Variants in ACSL6 observed in about 807,000 individuals in gnomAD.
The protein encoded by ACSL6 is long-chain-fatty-acid--CoA ligase 6.
Under a neutral mutation model 98.2 loss-of-function variants are expected in ACSL6, and 47 were observed. That is an observed-to-expected ratio of 0.48 (90% CI 0.38 to 0.61). The LOEUF is 0.61. Among genes scored for constraint, ACSL6 ranks in the 20% least tolerant of loss-of-function variants. The pLI, the probability that ACSL6 is intolerant of heterozygous loss-of-function variation, is 0.00. For missense variants in ACSL6, 761 were observed against 913.4 expected, an observed-to-expected ratio of 0.83 and a Z score of 2.15; for synonymous variants, 362 against 336.9, an observed-to-expected ratio of 1.07 and a Z score of -0.82.
intron 1 of ACSL6, chr5:132,003,889 G>A (rs1204565386): frequency 4.6e-5 from 7 of 152,310 alleles, no homozygotes; most frequent in Admixed American, 2.6e-4. Context: ...TGTGCTTTTC[G>A]AAAACAGTAG....
intron 11 of ACSL6, 144 bp from the exon 12 acceptor site, chr5:131,973,544 A>C: frequency 1.3e-6 from 1 of 798,818 alleles, no homozygotes; most frequent in Non-Finnish European, 1.9e-6. Flanking sequence ...GACACTGATG[A>C]ATGCCATCTG....
At chr5:131,994,803 G>A (rs1754711421) in intron 1 of ACSL6, 1 of 170,294 alleles carries the variant, frequency 5.9e-6, no homozygotes, top group African/African-American at 2.4e-5. Context: ...CCGCAGATCA[G>A]CCCTGACAGA....
intron 12 of ACSL6, 125 bp downstream of exon 12, chr5:131,973,141 G>C (rs1390251484): frequency 1.4e-5 from 18 of 1,288,750 alleles, no homozygotes; most frequent in Non-Finnish European, 1.7e-5. Context: ...GGAACTACAA[G>C]AGAGGAGGCA....
intron 20 of ACSL6, among the ~76,000 whole-genome samples, chr5:131,957,078 C>CA (rs1481524752): frequency 1.3e-5 from 2 of 152,034 alleles, no homozygotes; most frequent in Non-Finnish European, 2.9e-5. Context: ...ATTTTAGAGA[C>CA]ATAGTATTTT....
chr5:131,962,448 C>A, intron 18 of ACSL6, 87 bp downstream of exon 18: 1 of 1,446,970 alleles, frequency 6.9e-7, no homozygotes, highest in African/African-American at 1.4e-5. Context: ...GGAGGAGAAT[C>A]CTGGTGCCTG....
At chr5:131,958,773 C>G (rs1008059642) in intron 20 of ACSL6, among the ~76,000 whole-genome samples, 3 of 151,880 alleles carry the variant, frequency 2.0e-5, no homozygotes, top group Non-Finnish European at 4.4e-5. Context: ...TTTAAAGATT[C>G]TTGTCAAACT....
intron 19 of ACSL6, 139 bp from the exon 20 acceptor site, chr5:131,959,746 T>TA: frequency 1.3e-6 from 1 of 746,702 alleles, no homozygotes; most frequent in African/African-American, 1.7e-5. Flanking sequence ...CTGAGGCTGA[T>TA]ACTCCCTGGC....
At position 131,973,413 on chromosome 5, in the gene ACSL6, G is replaced by A. The variant is rs1397698456; in HGVS notation, c.1069-13C>T. 1 of 1,613,390 alleles carries A rather than the reference G, an allele frequency of 6.2e-7. No individual in the cohort carries two copies. ...AATAGACGACAGACTAGAAAGACAGGACAGGAAGGGAGGAGTCCCTTAGGG... is the reference window on the plus strand; with the variant it reads ...AATAGACGACAGACTAGAAAGACAGAACAGGAAGGGAGGAGTCCCTTAGGG... On this transcript the variant is annotated splice_polypyrimidine_tract_variant and intron_variant, in intron 11 of 20. Coordinates refer to ENST00000651883, the MANE Select transcript of ACSL6 (RefSeq NM_001009185.3).
chr5:131,959,733 C>G, intron 19 of ACSL6, 126 bp from the exon 20 acceptor site: 1 of 829,370 alleles, frequency 1.2e-6, no homozygotes, highest in Non-Finnish European at 2.0e-6. Context: ...CCACAGCCCG[C>G]AACTGAGGCT....
chr5:131,973,196 C>T, intron 12 of ACSL6, 70 bp downstream of exon 12: 1 of 1,569,116 alleles, frequency 6.4e-7, no homozygotes, highest in South Asian at 1.2e-5. Context: ...CTGCCTGGGG[C>T]TCCAGACCCT....
intron 9 of ACSL6, among the ~76,000 whole-genome samples, chr5:131,978,733 G>A (rs1313031705): frequency 1.3e-5 from 2 of 152,128 alleles, no homozygotes; most frequent in Non-Finnish European, 2.9e-5. Context: ...AACTACCCCC[G>A]CGGCACAAAT....
intron 6 of ACSL6, chr5:131,988,526 C>A (rs765729389): frequency 1.9e-6 from 3 of 1,609,258 alleles, no homozygotes; most frequent in South Asian, 2.2e-5. Flanking sequence ...GCATCTGTGC[C>A]AAGCTGTCAT....
intron 6 of ACSL6, 136 bp downstream of exon 6, chr5:131,988,667 CCA>C (rs1754331931): frequency 4.4e-6 from 7 of 1,597,804 alleles, no homozygotes; most frequent in Non-Finnish European, 6.0e-6. Flanking sequence ...AACTCAGGAG[CCA>C]CAGTGTAAGC....
At position 131,954,338 on chromosome 5, in the gene ACSL6, A is replaced by G. The variant is rs770645967; in HGVS notation, c.2065T>C (p.Ser689Pro). Reference protein sequence around the residue: ...KAIHIHSDMFSVQNGLLTPTL... With the variant: ...KAIHIHSDMFPVQNGLLTPTL... ...GGTGTCAGCAAGCCATTTTGAACTG[A>G]GAACATGTCAGAATGGATGTGAATG... Residue 689 changes from serine (S) to proline (P), a missense_variant, in exon 21 of 21, where the codon TCA becomes CCA. Ser to Pro is a moderately conservative substitution (Grantham distance 74). Coordinates refer to ENST00000651883, the MANE Select transcript of ACSL6 (RefSeq NM_001009185.3). 1 of 1,613,852 alleles carries G rather than the reference A, an allele frequency of 6.2e-7. No homozygotes were observed. The highest frequency in any genetic ancestry group is 8.5e-7 in the Non-Finnish European group (1 of 1,179,952).
At position 131,966,199 on chromosome 5, in the gene ACSL6, C is replaced by T. The variant is rs565845378; in HGVS notation, c.1713+217G>A. Among the ~76,000 whole-genome samples the T allele has an allele frequency of 4.6e-3, 699 of 152,288 alleles. 4 individuals carry two copies. The highest frequency in any genetic ancestry group is 0.016 in the African/African-American group (662 of 41,548). On this transcript the variant is annotated intron_variant, in intron 17 of 20. Transcript: ENST00000651883. The stretch of plus-strand genomic sequence containing the variant: ...CAGTCTCCAAGACCTCAGCCACACC[C>T]ACCTGCACAGGTCCCTCATCACCTT...
chr5:131,968,083 G>T (rs968399382), intron 15 of ACSL6, 55 bp from the exon 16 acceptor site: 15 of 1,503,632 alleles, frequency 1.0e-5, no homozygotes, highest in Middle Eastern at 1.7e-4. Flanking sequence ...TTTTAGCACT[G>T]AAGATGTTCC....
rs1322443573 is a variant in ACSL6 at position 131,951,000 on chromosome 5, C to T, written c.*3234G>A. ...GGCTAGGCCTACACACTATACCTGA[C>T]CAGAGTCCCGTCTCTCATTTGCAAG... On this transcript the variant is annotated 3_prime_UTR_variant, in exon 21 of 21. Transcript: ENST00000651883. 5.1e-6 allele frequency: 1 copy of T among 195,360 alleles called. No homozygotes were observed. The highest frequency in any genetic ancestry group is 2.3e-5 in the African/African-American group (1 of 43,202). The allele number at this position is 195,360 out of a possible 1,614,324, so 12.1% of individuals were successfully genotyped here.
chr5:131,965,035 TG>T (rs1752937791), intron 17 of ACSL6, among the ~76,000 whole-genome samples: 1 of 152,190 alleles, frequency 6.6e-6, no homozygotes, highest in South Asian at 2.1e-4. Flanking sequence ...GCAGAGTCCC[TG>T]GGCCAGGGCA....
intron 1 of ACSL6, chr5:132,006,553 G>GA (rs1171952012): frequency 1.3e-5 from 2 of 152,308 alleles, no homozygotes; most frequent in Admixed American, 6.5e-5. Context: ...CCAACGCAAG[G>GA]AATGGGAGCA....
Sources: allele counts gnomAD v4.1 joint callset (sites outside exome capture counted in the v4.1 genomes callset), GRCh38; gene constraint gnomAD v4.1.1; transcripts MANE v1.5; gene names NCBI Gene and HGNC (gene_info 2026-07-23, HGNC 2026-07-21).